The following SLITRK5 variants were observed in gnomAD, a reference collection of about 807,000 sequenced individuals.
The protein encoded by SLITRK5 is SLIT and NTRK-like protein 5.
SLITRK5 carries 23 observed loss-of-function variants against 56.2 expected under a neutral mutation model. The ratio of observed to expected loss-of-function variants is 0.41; its 90% confidence interval spans 0.29 to 0.58. The LOEUF (loss-of-function observed/expected upper bound fraction) is 0.58. Ranked by LOEUF, SLITRK5 falls within the 20% of genes least tolerant of loss-of-function variation. The probability of loss-of-function intolerance (pLI) is 0.30; values close to 1 mark genes in which losing one functional copy is unlikely to be tolerated. For missense variants in SLITRK5, 1,289 were observed against 1,226.6 expected, an observed-to-expected ratio of 1.05 and a Z score of -0.76; for synonymous variants, 637 against 531.8, an observed-to-expected ratio of 1.20 and a Z score of -2.72.
intron 1 of SLITRK5, chr13:87,673,465 TG>T (rs1462281425): frequency 1.9e-6 from 1 of 533,392 alleles, no homozygotes; most frequent in Non-Finnish European, 2.8e-6. Flanking sequence ...GGCTTTCAGA[TG>T]GGGTGGGAGG....
rs566287456 is a variant in SLITRK5 at position 87,676,216 on chromosome 13, C to T, written c.828C>T (p.Asp276=). 1.2e-6 allele frequency: 2 copies of T among 1,614,052 alleles called. No individual in the cohort carries two copies. Among genetic ancestry groups the T allele is most frequent in the Non-Finnish European group, 1.7e-6 (2 of 1,180,014 alleles). Residue 276 remains aspartate, a synonymous_variant, in exon 2 of 2, where the codon GAC becomes GAT. Coordinates refer to ENST00000683689, the MANE Select transcript of SLITRK5 (RefSeq NM_001384609.1). ...TCCGCTTACACGGAAGGGACTTGGA[C>T]GAGGTATCCAAGCAGGAACTTTGCC... is the stretch of plus-strand genomic sequence containing the variant. ...TPFRLHGRDL[D]EVSKQELCPR... is the part of the protein sequence containing the mutation.
At position 87,671,603 on chromosome 13, in the gene SLITRK5, T is replaced by G. The variant is rs1285476029; in HGVS notation, c.-615T>G. Among the ~76,000 whole-genome samples the G allele has an allele frequency of 2.0e-5, 3 of 151,772 alleles. No homozygotes were observed. Among genetic ancestry groups the G allele is most frequent in the Non-Finnish European group, 4.4e-5 (3 of 67,976 alleles). On this transcript the variant is annotated 5_prime_UTR_variant, in exon 1 of 2. Coordinates refer to ENST00000683689, the MANE Select transcript of SLITRK5 (RefSeq NM_001384609.1). ...GGGCTGCCAGGACAAGCCACAGGCA[T>G]AGAACGACGCGGTTGCTGCCCGCCC...
rs1877059656 is a variant in SLITRK5 at position 87,672,140 on chromosome 13, C to T, written c.-78C>T. Among the ~76,000 whole-genome samples, 1 of 152,006 alleles carries T rather than the reference C, an allele frequency of 6.6e-6. No individual in the cohort carries two copies. Among genetic ancestry groups the T allele is most frequent in the Non-Finnish European group, 1.5e-5 (1 of 67,976 alleles). The stretch of plus-strand genomic sequence containing the variant: ...ACCCAGGCCGGAGGGTGCGAGGAGC[C>T]AGAGGAGGCTGGAGGGGGCGGCGGC... On this transcript the variant is annotated 5_prime_UTR_variant, in exon 1 of 2. Transcript: ENST00000683689.
Position 87,677,266 on chromosome 13 carries a change from C to T in SLITRK5, c.1878C>T (p.Ser626=), listed in dbSNP as rs1212259240. 1.2e-6 allele frequency: 2 copies of T among 1,614,086 alleles called. No homozygotes were observed. The highest frequency in any genetic ancestry group is 1.7e-6 in the Non-Finnish European group (2 of 1,180,048). The change falls in exon 2 of 2, where the codon TCC becomes TCT. Residue 626 remains serine (S), a synonymous_variant. Coordinates refer to ENST00000683689, the MANE Select transcript of SLITRK5 (RefSeq NM_001384609.1). This position sits in a 1 kb window ranked among gnomAD's most constrained non-coding sequence, Gnocchi z 4.7. ...TAGTAGTTTCCACGCCCACACCCTCCTCTATCCAGGTCCCTGCGAGGACCA... is the reference window on the plus strand; with the variant it reads ...TAGTAGTTTCCACGCCCACACCCTCTTCTATCCAGGTCCCTGCGAGGACCA... ...SDVVVSTPTP[S]SIQVPARTSA... is the part of the protein sequence containing the mutation.
intron 1 of SLITRK5, chr13:87,673,704 C>A: frequency 2.2e-6 from 1 of 447,650 alleles, no homozygotes; most frequent in African/African-American, 2.0e-5. Flanking sequence ...CATCTCGACA[C>A]GTCTGGGTGG....
intron 1 of SLITRK5, 47 bp from the exon 2 acceptor site, chr13:87,675,334 A>AT: frequency 7.1e-7 from 1 of 1,405,256 alleles, no homozygotes; most frequent in Non-Finnish European, 9.9e-7. Flanking sequence ...GATCCCTTAA[A>AT]TTTTTGTCAT....
Position 87,677,060 on chromosome 13 carries a change from A to G in SLITRK5, c.1672A>G (p.Ile558Val), listed in dbSNP as rs1877309770. The G allele has an allele frequency of 2.5e-6, 4 of 1,613,930 alleles. No individual in the cohort carries two copies. Among genetic ancestry groups the G allele is most frequent in the Non-Finnish European group, 3.4e-6 (4 of 1,180,026 alleles). Residue 558 changes from isoleucine (I) to valine (V), a missense_variant, in exon 2 of 2, where the codon ATC becomes GTC. Transcript: ENST00000683689. This position sits in a 1 kb window ranked among gnomAD's most constrained non-coding sequence, Gnocchi z 4.7. The stretch of plus-strand genomic sequence containing the variant: ...GGACCAGCTGAAGTCACTCATCCAA[A>G]TCGACCTGCATGACAATCCTTGGGA... ...VLDQLKSLIQ[I>V]DLHDNPWDCT... is the part of the protein sequence containing the mutation.
rs1159349016 is a variant in SLITRK5 at position 87,677,537 on chromosome 13, T to A, written c.2149T>A (p.Tyr717Asn). The A allele has an allele frequency of 5.6e-6, 9 of 1,608,624 alleles. No individual in the cohort carries two copies. Among genetic ancestry groups the A allele is most frequent in the Non-Finnish European group, 6.8e-6 (8 of 1,176,764 alleles). ...CTCCTTTAACATGCAGTACAGCGTG[T>A]ACGGCGGCGGCGGCGGCACGGGCGG... ...VSSFNMQYSV[Y>N]GGGGGTGGHP... Residue 717 changes from tyrosine to asparagine, a missense_variant, in exon 2 of 2, where the codon TAC becomes AAC. By Grantham distance (143) the Tyr-to-Asn change is moderately radical. Coordinates refer to ENST00000683689, the MANE Select transcript of SLITRK5 (RefSeq NM_001384609.1). This position sits in a 1 kb window ranked among gnomAD's most constrained non-coding sequence, Gnocchi z 4.7.
Position 87,675,650 on chromosome 13 carries a change from T to C in SLITRK5, c.262T>C (p.Leu88=). ...CCGTTTCCCAATCTACCACCTCTTGTTGTCCGGAAACCTTTTGAACCGTCT... is the reference window on the plus strand; with the variant it reads ...CCGTTTCCCAATCTACCACCTCTTGCTGTCCGGAAACCTTTTGAACCGTCT... ...PPRFPIYHLL[L]SGNLLNRLYP... is the part of the protein sequence containing the mutation. Residue 88 remains leucine (L), a synonymous_variant, in exon 2 of 2, where the codon TTG becomes CTG. Transcript: ENST00000683689. 1.2e-6 allele frequency: 2 copies of C among 1,614,200 alleles called. No homozygotes were observed. Among genetic ancestry groups the C allele is most frequent in the East Asian group, 4.5e-5 (2 of 44,872 alleles).
At position 87,676,574 on chromosome 13, in the gene SLITRK5, C is replaced by T; in HGVS notation, c.1186C>T (p.Arg396Ter). The change falls in exon 2 of 2, where the codon CGA (arginine) becomes TGA (stop). Residue 396 changes from arginine (R) to a stop codon, truncating the protein, a stop_gained. Transcript: ENST00000683689. LOFTEE classifies it high-confidence loss of function. ...GGGCCTCAACGTAAACTGCCAGGAG[C>T]GAAAGATCGAGAGCATCGCTGAACT... ...DLGLNVNCQERKIESIAELQP... is the reference protein window; with the variant it reads ...DLGLNVNCQE 6.2e-7 allele frequency: 1 copy of T among 1,614,090 alleles called. No homozygotes were observed. Among genetic ancestry groups the T allele is most frequent in the Middle Eastern group, 1.6e-4 (1 of 6,062 alleles).
chr13:87,677,652 C>T lies in SLITRK5; in HGVS notation c.2264C>T (p.Pro755Leu), dbSNP rs1475243616. The T allele has an allele frequency of 1.2e-6, 2 of 1,607,732 alleles. No individual in the cohort carries two copies. The highest frequency in any genetic ancestry group is 8.5e-7 in the Non-Finnish European group (1 of 1,175,242). ...AGHVYEYIPH[P>L]LGHMCKNPIY... is the part of the protein sequence containing the mutation. Reference sequence around the variant, plus strand: ...CACGTGTATGAATACATCCCCCACCCACTGGGCCACATGTGCAAAAACCCC... The same window carrying T: ...CACGTGTATGAATACATCCCCCACCTACTGGGCCACATGTGCAAAAACCCC... Residue 755 changes from proline (P) to leucine (L), a missense_variant, in exon 2 of 2, where the codon CCA becomes CTA. Coordinates refer to ENST00000683689, the MANE Select transcript of SLITRK5 (RefSeq NM_001384609.1). The surrounding 1 kb of genome is among the most constrained non-coding windows in gnomAD (Gnocchi z 4.7).
rs748968690 is a variant in SLITRK5, at chr13:87,678,032, T to C, written c.2644T>C (p.Cys882Arg). Residue 882 changes from cysteine (C) to arginine (R), a missense_variant, in exon 2 of 2, where the codon TGC becomes CGC. Cys to Arg is a radical substitution (Grantham distance 180, BLOSUM62 -3). Around this residue, in one of 3 missense-constraint regions of SLITRK5, gnomAD observed 985 missense variants for 906.0 expected, o/e 1.09. Transcript: ENST00000683689. ...NSLPEYPKFPCSPAAYTFSPN... is the reference protein window; with the variant it reads ...NSLPEYPKFPRSPAAYTFSPN... ...CCTCCCGGAATATCCCAAATTCCCGTGCAGCCCCGCTGCTTACACTTTCTC... is the reference window on the plus strand; with the variant it reads ...CCTCCCGGAATATCCCAAATTCCCGCGCAGCCCCGCTGCTTACACTTTCTC... 43 of 1,614,140 alleles carry C rather than the reference T, an allele frequency of 2.7e-5. No homozygotes were observed. Among genetic ancestry groups the C allele is most frequent in the Non-Finnish European group, 3.6e-5 (42 of 1,179,976 alleles).
chr13:87,677,905 G>T lies in SLITRK5; in HGVS notation c.2517G>T (p.Glu839Asp). 1.2e-6 allele frequency: 2 copies of T among 1,613,492 alleles called. No homozygotes were observed. The highest frequency in any genetic ancestry group is 1.7e-6 in the Non-Finnish European group (2 of 1,179,732). Residue 839 changes from glutamate (E) to aspartate (D), a missense_variant, in exon 2 of 2, where the codon GAG (glutamate) becomes GAT (aspartate). Coordinates refer to ENST00000683689, the MANE Select transcript of SLITRK5 (RefSeq NM_001384609.1). This position sits in a 1 kb window ranked among gnomAD's most constrained non-coding sequence, Gnocchi z 4.7. ...CCGCCTACAGCGTCAGCACCATCGA[G>T]CCCCGGGAGGACCTGCTGTCGCCGG... ...RSPAYSVSTI[E>D]PREDLLSPVQ...
Position 87,676,217 on chromosome 13 carries a change from G to C in SLITRK5, c.829G>C (p.Glu277Gln), listed in dbSNP as rs1314658813. The change falls in exon 2 of 2, where the codon GAG becomes CAG. Residue 277 changes from glutamate (E) to glutamine (Q), a missense_variant. This residue lies in a region of SLITRK5 where 985 missense variants were observed against 906.0 expected (regional missense o/e 1.09). Transcript: ENST00000683689. ...PFRLHGRDLD[E>Q]VSKQELCPRR... ...CCGCTTACACGGAAGGGACTTGGAC[G>C]AGGTATCCAAGCAGGAACTTTGCCC... The C allele has an allele frequency of 6.2e-7, 1 of 1,614,134 alleles. No individual in the cohort carries two copies. The highest frequency in any genetic ancestry group is 8.5e-7 in the Non-Finnish European group (1 of 1,180,024).
At position 87,677,093 on chromosome 13, in the gene SLITRK5, T is replaced by G; in HGVS notation, c.1705T>G (p.Cys569Gly). 6.2e-7 allele frequency: 1 copy of G among 1,614,176 alleles called. No homozygotes were observed. Among genetic ancestry groups the G allele is most frequent in the Non-Finnish European group, 8.5e-7 (1 of 1,180,040 alleles). The change falls in exon 2 of 2, where the codon TGT becomes GGT. Residue 569 changes from cysteine (C) to glycine (G), a missense_variant. By Grantham distance (159) the Cys-to-Gly change is radical (BLOSUM62 -3). Transcript: ENST00000683689. The surrounding 1 kb of genome is among the most constrained non-coding windows in gnomAD (Gnocchi z 4.7). ...GCATGACAATCCTTGGGATTGTACC[T>G]GTGACATTGTGGGCATGAAGCTGTG... Reference protein sequence around the residue: ...DLHDNPWDCTCDIVGMKLWVE... With the variant: ...DLHDNPWDCTGDIVGMKLWVE...
Position 87,677,970 on chromosome 13 carries a change from C to T in SLITRK5, c.2582C>T (p.Pro861Leu). 1 of 1,614,022 alleles carries T rather than the reference C, an allele frequency of 6.2e-7. No individual in the cohort carries two copies. The highest frequency in any genetic ancestry group is 2.2e-5 in the East Asian group (1 of 44,844). Residue 861 changes from proline to leucine, a missense_variant, in exon 2 of 2, where the codon CCA (proline) becomes CTA (leucine). Physicochemically the swap from Pro to Leu is moderately conservative, Grantham distance 98. This residue lies in a region of SLITRK5 where 985 missense variants were observed against 906.0 expected (regional missense o/e 1.09). Transcript: ENST00000683689. This position sits in a 1 kb window ranked among gnomAD's most constrained non-coding sequence, Gnocchi z 4.7. ...ADRFYRGILE[P>L]DKHCSTTPAG... Reference sequence around the variant, plus strand: ...CGCTTTTACAGGGGCATTTTAGAACCAGACAAACACTGCTCCACCACCCCC... The same window carrying T: ...CGCTTTTACAGGGGCATTTTAGAACTAGACAAACACTGCTCCACCACCCCC...
chr13:87,675,509 A>G lies in SLITRK5; in HGVS notation c.121A>G (p.Ile41Val). ...TCTCGTCCTTTCGTGTGCAGAAACCATCGATTATTATGGGGAAATCTGTGA... is the reference window on the plus strand; with the variant it reads ...TCTCGTCCTTTCGTGTGCAGAAACCGTCGATTATTATGGGGAAATCTGTGA... Reference protein sequence around the residue: ...TSLVLSCAETIDYYGEICDNA... With the variant: ...TSLVLSCAETVDYYGEICDNA... The change falls in exon 2 of 2, where the codon ATC becomes GTC. Residue 41 changes from isoleucine (I) to valine (V), a missense_variant. By Grantham distance (29) the Ile-to-Val change is conservative. Coordinates refer to ENST00000683689, the MANE Select transcript of SLITRK5 (RefSeq NM_001384609.1). 6.2e-7 allele frequency: 1 copy of G among 1,614,192 alleles called. No homozygotes were observed. The highest frequency in any genetic ancestry group is 8.5e-7 in the Non-Finnish European group (1 of 1,180,036).
In SLITRK5 at chr13:87,675,429, T is replaced by G. The variant is rs776322625; in HGVS notation, c.41T>G (p.Leu14Arg). ...CCCCCAGTAACTTTGGAACAGGACC[T>G]TCACAGAAAAATGCATAGCTGGATG... The part of the protein sequence containing the change: ...CCPPVTLEQD[L>R]HRKMHSWMLQ... The change falls in exon 2 of 2, where the codon CTT becomes CGT. Residue 14 changes from leucine to arginine, a missense_variant. Transcript: ENST00000683689. 4 of 1,614,100 alleles carry G rather than the reference T, an allele frequency of 2.5e-6. No individual in the cohort carries two copies. The South Asian group carries it at 4.4e-5, about 18-fold the overall frequency.
chr13:87,673,802 A>C (rs1877150853), intron 1 of SLITRK5, among the ~76,000 whole-genome samples: 1 of 151,910 alleles, frequency 6.6e-6, no homozygotes, highest in Non-Finnish European at 1.5e-5. Flanking sequence ...CGACTTGGGG[A>C]TCAGGAGCAA....
Sources: gnomAD v4.1 joint callset for allele counts (sites outside exome capture counted in the v4.1 genomes callset) on GRCh38, gnomAD v4.1.1 for gene constraint, gnomAD v4.1.1 regional missense constraint, Gnocchi (gnomAD v3.1) non-coding constraint, MANE v1.5 for transcripts, NCBI Gene and HGNC (gene_info 2026-07-23, HGNC 2026-07-21) for gene names.